Variants in UPRT observed in about 807,000 individuals in gnomAD.
The protein encoded by UPRT is uracil phosphoribosyltransferase homolog, also known as RP11-311P8.3.
A neutral mutation model predicts 22.6 loss-of-function variants in UPRT; 5 were observed. The ratio of observed to expected loss-of-function variants is 0.22; its 90% CI spans 0.12 to 0.47. The LOEUF is 0.47. Among genes scored for constraint, UPRT ranks in the 20% least tolerant of loss-of-function variants. The pLI, the probability that UPRT is intolerant of heterozygous loss-of-function variation, is 0.99. For synonymous variants in UPRT, 77 were observed against 87.7 expected (o/e 0.88, Z 0.68); for missense variants, 181 against 239.9 (o/e 0.75, Z 1.62).
intron 4 of UPRT, among the ~76,000 whole-genome samples, chrX:75,250,064 T>A (rs2082523034): frequency 8.9e-6 from 1 of 111,916 alleles, no homozygotes; most frequent in African/African-American, 3.2e-5. Context: ...CAAAGCAGTG[T>A]GTAGAGGGAA....
rs1338334457 is a variant in UPRT, at chrX:75,174,120, C to T, written c.-447+6241C>T. Among the ~76,000 whole-genome samples, 7 of 112,171 alleles carry T rather than the reference C, an allele frequency of 6.2e-5. No homozygotes were observed. The South Asian group carries it at 2.2e-3, about 35-fold the overall frequency. On this transcript the variant is annotated intron_variant, in intron 4 of 13. Coordinates refer to the UPRT transcript ENST00000652605. ...GCCCGGGCAGAGGAAGTGCCAAGAG[C>T]GAGTGAGGGCTGTGAGGACTGCCAG...
intron 4 of UPRT, among the ~76,000 whole-genome samples, chrX:75,266,386 T>G (rs765284429): frequency 5.4e-5 from 6 of 111,699 alleles, no homozygotes; most frequent in South Asian, 3.7e-4. Flanking sequence ...TGGCTAGCCA[T>G]ATGTAGAAAG....
intron 4 of UPRT, among the ~76,000 whole-genome samples, chrX:75,233,956 G>A (rs2082449664): frequency 1.8e-5 from 2 of 110,836 alleles, no homozygotes; most frequent in South Asian, 7.8e-4. Flanking sequence ...AAATGTAAGT[G>A]GACTAAATGC....
intron 2 of UPRT, among the ~76,000 whole-genome samples, chrX:75,161,290 A>T (rs936451461): frequency 5.3e-5 from 6 of 112,993 alleles, no homozygotes; most frequent in Non-Finnish European, 9.4e-5. Flanking sequence ...GTAGTTTGGA[A>T]GTGGTAGAGA....
intron 4 of UPRT, among the ~76,000 whole-genome samples, chrX:75,240,126 G>T (rs917423261): frequency 9.0e-6 from 1 of 111,243 alleles, no homozygotes; most frequent in African/African-American, 3.3e-5. Flanking sequence ...GAAATAAAGG[G>T]TATCCACATT....
rs775204111 is a variant in UPRT at position 75,227,419 on chromosome X, C to T, written c.-447+59540C>T. Among the ~76,000 whole-genome samples the T allele has an allele frequency of 3.2e-4, 36 of 111,346 alleles. 4 individuals are homozygous for T. Among genetic ancestry groups the T allele is most frequent in the Admixed American group, 2.5e-3 (26 of 10,447 alleles). Reference sequence around the variant, plus strand: ...ATTCCACTCAGGAATCTTCCACAGACGTGCCATTGAACAAATATCATAATA... The same window carrying T: ...ATTCCACTCAGGAATCTTCCACAGATGTGCCATTGAACAAATATCATAATA... On this transcript the variant is annotated intron_variant, in intron 4 of 13. Coordinates refer to the UPRT transcript ENST00000652605.
intron 4 of UPRT, among the ~76,000 whole-genome samples, chrX:75,228,871 C>T (rs2082430159): frequency 8.9e-6 from 1 of 111,757 alleles, no homozygotes; most frequent in African/African-American, 3.3e-5. Flanking sequence ...ATAGATGAAT[C>T]TGGAGAACAT....
intron 4 of UPRT, among the ~76,000 whole-genome samples, chrX:75,241,385 A>G (rs749879393): frequency 8.9e-6 from 1 of 111,790 alleles, no homozygotes; most frequent in East Asian, 2.8e-4. Context: ...ATACCACCTT[A>G]CTCCTGGAAG....
intron 6 of UPRT, among the ~76,000 whole-genome samples, chrX:75,302,489 A>G (rs1478539737): frequency 8.1e-5 from 9 of 111,110 alleles, no homozygotes; most frequent in Non-Finnish European, 1.5e-4. Flanking sequence ...TGTATTGGTC[A>G]TCTCTTAAGC....
chrX:75,266,903 A>C (rs1378045891), intron 4 of UPRT, among the ~76,000 whole-genome samples: 1 of 111,730 alleles, frequency 9.0e-6, no homozygotes, highest in Non-Finnish European at 1.9e-5. Flanking sequence ...ATCTCACACC[A>C]GTTAGAATGG....
intron 4 of UPRT, among the ~76,000 whole-genome samples, chrX:75,173,547 T>C (rs896120108): frequency 2.7e-5 from 3 of 112,683 alleles, no homozygotes; most frequent in African/African-American, 9.7e-5. Context: ...TAGTGGATCC[T>C]ACACCGGGGC....
intron 4 of UPRT, among the ~76,000 whole-genome samples, chrX:75,261,487 A>T (rs903437212): frequency 3.6e-5 from 4 of 111,881 alleles, no homozygotes; most frequent in Non-Finnish European, 7.5e-5. Flanking sequence ...GAATCTCTGA[A>T]TACACCAATA....
chrX:75,280,834 T>C (rs1355128649), intron 1 of UPRT, among the ~76,000 whole-genome samples: 1 of 111,445 alleles, frequency 9.0e-6, no homozygotes. Flanking sequence ...TGATGGGAAT[T>C]GCATTGAATT....
intron 1 of UPRT, among the ~76,000 whole-genome samples, chrX:75,286,826 C>T (rs1043137877): frequency 1.8e-5 from 2 of 111,619 alleles, no homozygotes; most frequent in African/African-American, 6.5e-5. Flanking sequence ...AATTGGAGAG[C>T]TCCAGGCTGT....
intron 1 of UPRT, among the ~76,000 whole-genome samples, chrX:75,277,007 A>T (rs898212821): frequency 2.7e-5 from 3 of 112,136 alleles, no homozygotes; most frequent in Admixed American, 9.5e-5. Flanking sequence ...TTATCATACA[A>T]TATGTGGTCA....
chrX:75,249,610 G>A (rs7892244), intron 4 of UPRT, among the ~76,000 whole-genome samples: 2,448 of 110,972 alleles, frequency 0.022, 83 homozygotes, highest in African/African-American at 0.076. Flanking sequence ...CAATAATAAT[G>A]GGAGACTCTA....
chrX:75,214,784 G>A (rs1303160042), intron 4 of UPRT, among the ~76,000 whole-genome samples: 2 of 111,238 alleles, frequency 1.8e-5, no homozygotes. Flanking sequence ...GTGGCAGTGT[G>A]CACTTGCAGT....
At chrX:75,184,969 G>A (rs2082284626) in intron 4 of UPRT, among the ~76,000 whole-genome samples, 1 of 110,973 alleles carries the variant, frequency 9.0e-6, no homozygotes, top group Admixed American at 9.6e-5. Flanking sequence ...TCTGCAAACA[G>A]GTACAATTTG....
intron 4 of UPRT, among the ~76,000 whole-genome samples, chrX:75,175,214 G>C (rs1177518550): frequency 9.0e-6 from 1 of 111,433 alleles, no homozygotes; most frequent in Non-Finnish European, 1.9e-5. Flanking sequence ...AGACTTCAGT[G>C]TTGATTCCTT....
Sources: allele counts gnomAD v4.1 joint callset (sites outside exome capture counted in the v4.1 genomes callset), GRCh38; gene constraint gnomAD v4.1.1; transcripts MANE v1.5; gene names NCBI Gene and HGNC (gene_info 2026-07-23, HGNC 2026-07-21).